The following PIGU variants were observed in gnomAD, a reference collection of about 807,000 sequenced individuals.
The protein encoded by PIGU is phosphatidylinositol glycan anchor biosynthesis class U, also known as GPI-anchor transamidase component PIGU.
A neutral mutation model predicts 49.9 loss-of-function variants in PIGU; 24 were observed. That is an observed-to-expected ratio of 0.48 (90% CI 0.35 to 0.68). The LOEUF (loss-of-function observed/expected upper bound fraction) is 0.68, where lower values mean the gene tolerates loss of function less well. PIGU is among the 30% of genes least tolerant of loss of function. PIGU has a pLI of 0.01. For synonymous variants in PIGU, 220 were observed against 205.7 expected (o/e 1.07, Z -0.59); for missense variants, 490 against 532.6 (o/e 0.92, Z 0.79).
chr20:34,642,358 T>C (rs1986190433), intron 4 of PIGU, among the ~76,000 whole-genome samples: 1 of 152,048 alleles, frequency 6.6e-6, no homozygotes, highest in Non-Finnish European at 1.5e-5. Flanking sequence ...TACAGGCACA[T>C]ACCACCACTC....
At position 34,566,016 on chromosome 20, in the gene PIGU, TCACA is replaced by T. The variant is rs368699893; in HGVS notation, c.1195-5041_1195-5038del. Among the ~76,000 whole-genome samples, 307 of 142,612 alleles carry T rather than the reference TCACA, an allele frequency of 2.2e-3. 1 individual carries two copies. Among genetic ancestry groups the T allele is most frequent in the Non-Finnish European group, 2.1e-3 (135 of 65,676 alleles). The allele number at this position is 142,612 out of a possible 152,430, so 93.6% of individuals were successfully genotyped here. A position where few individuals can be genotyped will look rare whatever the true frequency, so the allele number is the denominator to read the frequency against. On this transcript the variant is annotated intron_variant, in intron 11 of 11. Coordinates refer to ENST00000217446, the MANE Select transcript of PIGU (RefSeq NM_080476.5). Reference sequence around the variant, plus strand: ...GCTTGCAATGCTTAGACACACATGCTCACACACACAGATGCACACACATACACGC... The same window carrying T: ...GCTTGCAATGCTTAGACACACATGCTCACACAGATGCACACACATACACGC...
chr20:34,594,366 C>G (rs565010928), intron 7 of PIGU, among the ~76,000 whole-genome samples: 48 of 152,172 alleles, frequency 3.2e-4, no homozygotes, highest in African/African-American at 1.0e-3. Context: ...GCTGAATAAA[C>G]TATGGTATAT....
chr20:34,659,212 A>G (rs1986834632), intron 1 of PIGU, among the ~76,000 whole-genome samples: 2 of 133,264 alleles, frequency 1.5e-5, no homozygotes, highest in Non-Finnish European at 3.2e-5. Flanking sequence ...TGGGGGGGTC[A>G]GCCCCCCGCC....
Position 34,620,600 on chromosome 20 carries a change from G to A in PIGU, c.530-4461C>T, listed in dbSNP as rs367755651. Among the ~76,000 whole-genome samples, 46 of 151,750 alleles carry A rather than the reference G, an allele frequency of 3.0e-4. No homozygotes were observed. In the East Asian group the frequency reaches 7.4e-3, roughly 24 times the overall value. On this transcript the variant is annotated intron_variant, in intron 6 of 11. Coordinates refer to ENST00000217446, the MANE Select transcript of PIGU (RefSeq NM_080476.5). The stretch of plus-strand genomic sequence containing the variant: ...GCTGAGGCGGGCGGATCACGAGGTC[G>A]GGAGATCGAGACCATCCTGACTAAC...
chr20:34,598,042 A>G (rs550351050), intron 7 of PIGU, among the ~76,000 whole-genome samples: 2 of 152,246 alleles, frequency 1.3e-5, no homozygotes, highest in African/African-American at 4.8e-5. Context: ...CCATCACTAT[A>G]TATTTTTAAA....
intron 5 of PIGU, 102 bp downstream of exon 5, chr20:34,637,774 A>G: frequency 1.9e-6 from 3 of 1,572,358 alleles, no homozygotes; most frequent in Non-Finnish European, 2.6e-6. Flanking sequence ...TTGATGACTA[A>G]GATTGCAAAT....
chr20:34,581,522 TC>T (rs1983461798), intron 10 of PIGU, 25 bp downstream of exon 10: 4 of 1,612,438 alleles, frequency 2.5e-6, no homozygotes, highest in Non-Finnish European at 3.4e-6. Flanking sequence ...CTGACACAAA[TC>T]TGTGGCAGAG....
intron 7 of PIGU, among the ~76,000 whole-genome samples, chr20:34,601,172 G>A (rs181486159): frequency 6.6e-6 from 1 of 151,944 alleles, no homozygotes; most frequent in Non-Finnish European, 1.5e-5. Context: ...TGTTTTATTC[G>A]ACCTAAAGTG....
In PIGU at chr20:34,644,144, T is replaced by A. The variant is rs941711771; in HGVS notation, c.318+20A>T. 1 of 1,589,050 alleles carries A rather than the reference T, an allele frequency of 6.3e-7. No homozygotes were observed. ...GGTTACCAAATTCCACCAGCTTTGC[T>A]CCACCCACAAACTACTTACCACAAC... On this transcript the variant is annotated intron_variant, in intron 4 of 11. Transcript: ENST00000217446.
chr20:34,593,809 T>G (rs1984089562), intron 7 of PIGU, among the ~76,000 whole-genome samples: 1 of 152,084 alleles, frequency 6.6e-6, no homozygotes, highest in South Asian at 2.1e-4. Context: ...TTAACTTTGA[T>G]GTAGAAAAAA....
intron 10 of PIGU, among the ~76,000 whole-genome samples, chr20:34,577,947 G>A (rs1983306338): frequency 6.6e-6 from 1 of 152,136 alleles, no homozygotes; most frequent in Non-Finnish European, 1.5e-5. Flanking sequence ...ATCAGGACAC[G>A]GTAGTTCACA....
intron 7 of PIGU, among the ~76,000 whole-genome samples, chr20:34,611,906 T>C (rs1984830522): frequency 6.6e-6 from 1 of 152,204 alleles, no homozygotes; most frequent in African/African-American, 2.4e-5. Flanking sequence ...TTTTACATTT[T>C]TGGTGGGAAT....
At chr20:34,660,590 GCAAA>G (rs1001024164) in intron 1 of PIGU, among the ~76,000 whole-genome samples, 14 of 152,054 alleles carry the variant, frequency 9.2e-5, no homozygotes, top group African/African-American at 3.1e-4. Flanking sequence ...TTCTCAAAAA[GCAAA>G]CAAACAAAAA....
intron 9 of PIGU, among the ~76,000 whole-genome samples, chr20:34,582,635 A>G (rs1983529172): frequency 6.6e-6 from 1 of 152,032 alleles, no homozygotes; most frequent in Non-Finnish European, 1.5e-5. Flanking sequence ...GCCATGATCA[A>G]CCACTGCACT....
intron 1 of PIGU, among the ~76,000 whole-genome samples, chr20:34,658,538 AG>A (rs1477214129): frequency 1.4e-5 from 2 of 144,196 alleles, no homozygotes; most frequent in Admixed American, 6.9e-5. Context: ...CATCCCATCT[AG>A]GAAGTGAGGA....
chr20:34,624,873 G>A (rs948746577), intron 6 of PIGU, among the ~76,000 whole-genome samples: 6 of 152,078 alleles, frequency 3.9e-5, no homozygotes, highest in African/African-American at 1.4e-4. Flanking sequence ...AGGCAACCCT[G>A]GGCTGCCACA....
At chr20:34,655,452 A>G (rs543619914) in intron 2 of PIGU, among the ~76,000 whole-genome samples, 1 of 122,324 alleles carries the variant, frequency 8.2e-6, no homozygotes, top group Non-Finnish European at 1.8e-5. Context: ...CAGGCGGATC[A>G]CGAAGTCAGG....
intron 7 of PIGU, among the ~76,000 whole-genome samples, chr20:34,593,148 G>T (rs1020365853): frequency 1.3e-5 from 2 of 151,982 alleles, no homozygotes; most frequent in Non-Finnish European, 2.9e-5. Flanking sequence ...ACCAGCCTGA[G>T]CAACATGGCG....
rs1555796928 is a variant in PIGU at position 34,591,039 on chromosome 20, A to AAT, written c.628-2434_628-2433dup. On this transcript the variant is annotated intron_variant, in intron 7 of 11. Coordinates refer to ENST00000217446, the MANE Select transcript of PIGU (RefSeq NM_080476.5). ...CCGTCTCGAAAAAAAGAGAAAAAAA[A>AAT]ATATATATATATATGAGACACAGAA... Among the ~76,000 whole-genome samples, 301 of 150,426 alleles carry AAT rather than the reference A, an allele frequency of 2.0e-3. 1 individual carries two copies. Among genetic ancestry groups the AAT allele is most frequent in the African/African-American group, 5.2e-3 (215 of 41,054 alleles).
Sources: allele counts gnomAD v4.1 joint callset (sites outside exome capture counted in the v4.1 genomes callset), GRCh38; gene constraint gnomAD v4.1.1; transcripts MANE v1.5; gene names NCBI Gene and HGNC (gene_info 2026-07-23, HGNC 2026-07-21).